ZNF723: variants seen among roughly 807,000 people sequenced by gnomAD.
ZNF723 encodes the protein zinc finger protein 723, pseudogene.
Under a neutral mutation model 9.4 loss-of-function variants are expected in ZNF723, and 5 were observed. The observed-to-expected ratio is 0.53, with a 90% confidence interval of 0.28 to 1.12. ZNF723 has a LOEUF of 1.12. Ranked by LOEUF, ZNF723 falls within the 50% of genes most tolerant of loss-of-function variation. The pLI is 0.10. For missense variants in ZNF723, 450 were observed against 501.5 expected (o/e 0.90, Z 0.98); for synonymous variants, 158 against 168.8 (o/e 0.94, Z 0.49).
chr19:22,844,719 T>TTG (rs1437852324), intron 1 of ZNF723, among the ~76,000 whole-genome samples: 1 of 152,176 alleles, frequency 6.6e-6, no homozygotes, highest in African/African-American at 2.4e-5. Context: ...AGTAATTGTG[T>TTG]TGTGAAAAGA....
chr19:22,852,430 T>A (rs994685360), intron 3 of ZNF723, among the ~76,000 whole-genome samples: 2 of 152,170 alleles, frequency 1.3e-5, no homozygotes, highest in African/African-American at 2.4e-5. Flanking sequence ...CTGTTTCCAA[T>A]ATAGTTATGT....
At chr19:22,828,747 AC>A (rs1254340635), upstream of ZNF723, among the ~76,000 whole-genome samples, 1 of 152,314 alleles carries the variant, frequency 6.6e-6, no homozygotes, top group East Asian at 1.9e-4. Flanking sequence ...AAAATGAGTC[AC>A]CTGTGCTAAA....
chr19:22,843,163 G>A (rs1017864306), intron 1 of ZNF723, among the ~76,000 whole-genome samples: 12 of 152,168 alleles, frequency 7.9e-5, no homozygotes, highest in Admixed American at 2.6e-4. Context: ...AGGTGATCCA[G>A]GTTCTGGAGC....
At chr19:22,856,997 G>A (rs1646962065) in intron 3 of ZNF723, 121 bp from the exon 4 acceptor site, 2 of 482,060 alleles carry the variant, frequency 4.1e-6, no homozygotes, top group Non-Finnish European at 7.4e-6. Context: ...AAGTAATTAT[G>A]GCCTATGGTA....
chr19:22,857,383 G>C lies in ZNF723; in HGVS notation c.492G>C (p.Lys164Asn). The C allele has an allele frequency of 1.2e-6, 1 of 838,962 alleles. No homozygotes were observed. The highest frequency in any genetic ancestry group is 2.1e-6 in the Non-Finnish European group (1 of 479,254). 52.0% of individuals were successfully genotyped at this position (838,962 alleles called of 1,614,324 possible). A position where few individuals can be genotyped will look rare whatever the true frequency, so the allele number is the denominator to read the frequency against. Residue 164 changes from lysine (K) to asparagine (N), a missense_variant, in exon 4 of 4, where the codon AAG becomes AAC. Physicochemically the swap from Lys to Asn is moderately conservative, Grantham distance 94. Coordinates refer to ENST00000600766, the MANE Select transcript of ZNF723 (RefSeq NM_001349726.2). Reference sequence around the variant, plus strand: ...AATTTTCAAGTTCAAATAGCCAGAAGATAAGACATACTGGAAATAATTCTT... The same window carrying C: ...AATTTTCAAGTTCAAATAGCCAGAACATAAGACATACTGGAAATAATTCTT... The part of the protein sequence containing the change: ...FHKFSSSNSQ[K>N]IRHTGNNSFK...
At chr19:22,846,197 G>A (rs1362492005) in intron 1 of ZNF723, among the ~76,000 whole-genome samples, 1 of 152,054 alleles carries the variant, frequency 6.6e-6, no homozygotes, top group African/African-American at 2.4e-5. Flanking sequence ...AACATGGGAG[G>A]GTGGGGATAC....
chr19:22,844,047 G>T (rs1967279255), intron 1 of ZNF723, among the ~76,000 whole-genome samples: 1 of 152,108 alleles, frequency 6.6e-6, no homozygotes, highest in Non-Finnish European at 1.5e-5. Context: ...CCCCACTCTG[G>T]AGTCTTGCCT....
intron 1 of ZNF723, among the ~76,000 whole-genome samples, chr19:22,835,325 A>G (rs563135919): frequency 0.014 from 2,132 of 151,122 alleles, 39 homozygotes; most frequent in African/African-American, 0.049. Flanking sequence ...TACAGGCGTG[A>G]GCCACCACGC....
the ZNF723 span, among the ~76,000 whole-genome samples, chr19:22,825,372 G>A: frequency 4.0e-5 from 6 of 151,878 alleles, no homozygotes; most frequent in Non-Finnish European, 7.3e-5. Flanking sequence ...GCTGAGACAT[G>A]TGCAGAATTA....
intron 3 of ZNF723, among the ~76,000 whole-genome samples, chr19:22,851,323 A>G (rs1454351641): frequency 6.6e-6 from 1 of 151,722 alleles, no homozygotes; most frequent in African/African-American, 2.4e-5. Context: ...AGGCACGAGC[A>G]ACCACACCCA....
At chr19:22,847,362 G>T (rs1967328050) in intron 1 of ZNF723, among the ~76,000 whole-genome samples, 2 of 151,466 alleles carry the variant, frequency 1.3e-5, no homozygotes, top group Admixed American at 1.3e-4. Flanking sequence ...ATCTGTCCTT[G>T]GAAAATGAAG....
At chr19:22,849,126 A>T in intron 2 of ZNF723, 72 bp from the exon 3 acceptor site, 1 of 476,042 alleles carries the variant, frequency 2.1e-6, no homozygotes, top group Non-Finnish European at 3.8e-6. Flanking sequence ...ATATTCTATT[A>T]TGTTCTCTTT....
Position 22,832,684 on chromosome 19 carries a change from C to CA in ZNF723, c.3+303dup, listed in dbSNP as rs199695026. ...TGTGCAGGGACCAGGGGAGGGTCGT[C>CA]AGGGGAGAATCCTGACTCGGGTGAG... On this transcript the variant is annotated intron_variant, in intron 1 of 3. Transcript: ENST00000600766. Among the ~76,000 whole-genome samples the CA allele has an allele frequency of 9.8e-3, 1,491 of 152,276 alleles. 16 individuals carry two copies. Among genetic ancestry groups the CA allele is most frequent in the Middle Eastern group, 0.037 (11 of 294 alleles).
rs1165652806 is a variant in ZNF723 at position 22,856,426 on chromosome 19, T to A, written c.227-692T>A. Among the ~76,000 whole-genome samples the A allele has an allele frequency of 4.6e-5, 7 of 152,370 alleles. No individual in the cohort carries two copies. In the East Asian group the frequency reaches 1.2e-3, roughly 25 times the overall value. ...ATTTAGGACATTATTAAAATCTACCTGTTACATAATTTATGGCATAGTCTG... is the reference window on the plus strand; with the variant it reads ...ATTTAGGACATTATTAAAATCTACCAGTTACATAATTTATGGCATAGTCTG... On this transcript the variant is annotated intron_variant, in intron 3 of 3. Transcript: ENST00000600766.
At chr19:22,842,169 T>C (rs2145214816) in intron 1 of ZNF723, among the ~76,000 whole-genome samples, 2 of 152,304 alleles carry the variant, frequency 1.3e-5, no homozygotes, top group Non-Finnish European at 2.9e-5. Flanking sequence ...AACAGCTGGC[T>C]AATTTTTGTA....
At chr19:22,826,668 T>C in the ZNF723 span, among the ~76,000 whole-genome samples, 3 of 152,200 alleles carry the variant, frequency 2.0e-5, no homozygotes, top group African/African-American at 4.8e-5. Flanking sequence ...ACCAGTCAAA[T>C]GCGGACTCGT....
Position 22,858,286 on chromosome 19 carries a change from T to A in ZNF723, c.1395T>A (p.Tyr465Ter), listed in dbSNP as rs879118182. 2.3e-5 allele frequency: 29 copies of A among 1,240,418 alleles called. No individual in the cohort carries two copies. In the East Asian group the frequency reaches 6.1e-4, roughly 26 times the overall value. The allele number at this position is 1,240,418 out of a possible 1,614,324, so 76.8% of individuals were successfully genotyped here. A position where few individuals can be genotyped will look rare whatever the true frequency, so the allele number is the denominator to read the frequency against. Residue 465 changes from tyrosine to a stop codon, truncating the protein, a stop_gained, in exon 4 of 4, where the codon TAT becomes TAA. Coordinates refer to ENST00000600766, the MANE Select transcript of ZNF723 (RefSeq NM_001349726.2). LOFTEE classifies it low-confidence loss of function (END_TRUNC). ...AATGTGGCAAAGCTTTTAACCAATA[T>A]TCAACCCTTAATAAACATAAGATAA... ...CEECGKAFNQYSTLNKHKIIH... is the reference protein window; with the variant it reads ...CEECGKAFNQ
chr19:22,842,298 C>T (rs368699097), intron 1 of ZNF723, among the ~76,000 whole-genome samples: 31 of 152,138 alleles, frequency 2.0e-4, no homozygotes, highest in African/African-American at 2.4e-4. Context: ...TGAGCCACTG[C>T]GCCTGGTCCT....
the ZNF723 span, among the ~76,000 whole-genome samples, chr19:22,816,231 C>T: frequency 6.6e-6 from 1 of 152,144 alleles, no homozygotes; most frequent in Non-Finnish European, 1.5e-5. Context: ...ATATATACAC[C>T]AAGCTGACAG....
Sources: gnomAD v4.1 joint callset for allele counts (sites outside exome capture counted in the v4.1 genomes callset) on GRCh38, gnomAD v4.1.1 for gene constraint, MANE v1.5 for transcripts, NCBI Gene and HGNC (gene_info 2026-07-23, HGNC 2026-07-21) for gene names.